Variants in GNAT3 observed in about 807,000 individuals in gnomAD.
The protein encoded by GNAT3 is guanine nucleotide-binding protein G(t) subunit alpha-3.
A neutral mutation model predicts 37.7 loss-of-function variants in GNAT3; 31 were observed. That is an observed-to-expected ratio of 0.82 (90% CI 0.62 to 1.11). GNAT3 has a LOEUF of 1.11. GNAT3 is among the 50% of genes most tolerant of loss of function. The pLI is 0.00. For synonymous variants in GNAT3, 138 were observed against 139.8 expected (o/e 0.99, Z 0.09); for missense variants, 437 against 412.5 (o/e 1.06, Z -0.51).
chr7:80,471,567 A>T (rs138220693), intron 5 of GNAT3, among the ~76,000 whole-genome samples: 44 of 152,102 alleles, frequency 2.9e-4, no homozygotes, highest in African/African-American at 1.0e-3. Context: ...CTCCAACTTA[A>T]AGATAGTTCC....
In GNAT3 at chr7:80,463,541, C is replaced by A. The variant is rs1051992768; in HGVS notation, c.591-910G>T. Among the ~76,000 whole-genome samples, 3 of 151,996 alleles carry A rather than the reference C, an allele frequency of 2.0e-5. No homozygotes were observed. In the East Asian group the frequency reaches 5.8e-4, roughly 29 times the overall value. On this transcript the variant is annotated intron_variant, in intron 5 of 7. Transcript: ENST00000398291. ...CATCAATATCTCCTCCATAAAGAAG[C>A]CTCCTGGAGCGTCCATTTAAATTAC...
At chr7:80,491,957 T>C (rs1157640485) in intron 2 of GNAT3, among the ~76,000 whole-genome samples, 1 of 152,114 alleles carries the variant, frequency 6.6e-6, no homozygotes, top group Non-Finnish European at 1.5e-5. Context: ...TAAATTCCAC[T>C]ATTGAGAGAA....
At chr7:80,485,567 T>C (rs1790464103) in intron 3 of GNAT3, among the ~76,000 whole-genome samples, 1 of 152,160 alleles carries the variant, frequency 6.6e-6, no homozygotes, top group Non-Finnish European at 1.5e-5. Flanking sequence ...CATCAAGCTC[T>C]CCTCTCCTGA....
In GNAT3 at chr7:80,483,495, AT is replaced by A. The variant is rs1434460480; in HGVS notation, c.304-4498del. On this transcript the variant is annotated intron_variant, in intron 3 of 7. Transcript: ENST00000398291. ...CAAACTGATCGAACACTTAACTCCT[AT>A]TTTATTGTTATATTTTAAAAACTCT... Among the ~76,000 whole-genome samples, 14 of 152,168 alleles carry A rather than the reference AT, an allele frequency of 9.2e-5. No homozygotes were observed. The Middle Eastern group carries it at 0.014, about 148-fold the overall frequency.
At position 80,511,819 on chromosome 7, in the gene GNAT3, C is replaced by T; in HGVS notation, c.108G>A (p.Leu36=). 2 of 1,605,396 alleles carry T rather than the reference C, an allele frequency of 1.2e-6. No homozygotes were observed. Among genetic ancestry groups the T allele is most frequent in the African/African-American group, 1.3e-5 (1 of 74,872 alleles). Residue 36 remains leucine, a synonymous_variant, in exon 1 of 8, where the codon CTG becomes CTA. Transcript: ENST00000398291. Reference sequence around the variant, plus strand: ...GGGAAAAGAAATTACCTAATAGTAGCAGCTTTACGGTTCTTGCATCTCGCT... The same window carrying T: ...GGGAAAAGAAATTACCTAATAGTAGTAGCTTTACGGTTCTTGCATCTCGCT... ...DAERDARTVK[L]LLLGAGESGK...
intron 1 of GNAT3, among the ~76,000 whole-genome samples, chr7:80,504,226 G>A (rs1790889077): frequency 6.6e-6 from 1 of 152,086 alleles, no homozygotes; most frequent in Non-Finnish European, 1.5e-5. Context: ...TGAGGTGGGA[G>A]GATCACTTGA....
Position 80,509,655 on chromosome 7 carries a change from G to A in GNAT3, c.118+2154C>T, listed in dbSNP as rs149132951. On this transcript the variant is annotated intron_variant, in intron 1 of 7. Coordinates refer to ENST00000398291, the MANE Select transcript of GNAT3 (RefSeq NM_001102386.3). ...ACAATAAGTTGGGTCCCAGTCAATG[G>A]CTCTGTGGAGTGGTAAAATTTACTA... 8.0e-4 allele frequency among the ~76,000 whole-genome samples: 122 copies of A among 152,070 alleles called. 1 individual carries two copies. Among genetic ancestry groups the A allele is most frequent in the Non-Finnish European group, 1.4e-3 (92 of 67,946 alleles).
chr7:80,466,509 A>G (rs964840455), intron 5 of GNAT3, among the ~76,000 whole-genome samples: 1 of 152,062 alleles, frequency 6.6e-6, no homozygotes, highest in Non-Finnish European at 1.5e-5. Context: ...GAGAAAAATC[A>G]TCTTATTTCT....
chr7:80,458,808 G>C lies in GNAT3; in HGVS notation c.928C>G (p.Leu310Val), dbSNP rs1417943997. The C allele has an allele frequency of 6.3e-7, 1 of 1,595,256 alleles. No individual in the cohort carries two copies. Among genetic ancestry groups the C allele is most frequent in the Non-Finnish European group, 8.5e-7 (1 of 1,171,370 alleles). Residue 310 changes from leucine (L) to valine (V), a missense_variant, in exon 8 of 8, where the codon CTG (leucine) becomes GTG (valine). Coordinates refer to ENST00000398291, the MANE Select transcript of GNAT3 (RefSeq NM_001102386.3). Reference protein sequence around the residue: ...GNYIKNQFLDLNLKKEDKEIY... With the variant: ...GNYIKNQFLDVNLKKEDKEIY... Reference sequence around the variant, plus strand: ...TCCTTATCTTCTTTTTTTAAATTCAGGTCTAGAAACTGGTTCTTGATGTAG... The same window carrying C: ...TCCTTATCTTCTTTTTTTAAATTCACGTCTAGAAACTGGTTCTTGATGTAG...
In GNAT3 at chr7:80,477,487, C is replaced by A. The variant is rs571147566; in HGVS notation, c.461+1354G>T. On this transcript the variant is annotated intron_variant, in intron 4 of 7. Coordinates refer to ENST00000398291, the MANE Select transcript of GNAT3 (RefSeq NM_001102386.3). ...GAGACTCATTCTCTCCATCAGAGAG[C>A]TAGGAAAAACTCCTCCAAAAGCAAT... 5.5e-4 allele frequency among the ~76,000 whole-genome samples: 84 copies of A among 152,234 alleles called. 3 individuals carry two copies. In the South Asian group the frequency reaches 0.017, roughly 31 times the overall value.
chr7:80,475,483 A>G (rs1790288272), intron 4 of GNAT3, among the ~76,000 whole-genome samples: 1 of 152,106 alleles, frequency 6.6e-6, no homozygotes, highest in South Asian at 2.1e-4. Flanking sequence ...ACTTTCAGAT[A>G]CAAATAGTAA....
At chr7:80,486,222 T>A (rs1790476349) in intron 3 of GNAT3, among the ~76,000 whole-genome samples, 1 of 152,190 alleles carries the variant, frequency 6.6e-6, no homozygotes, top group Non-Finnish European at 1.5e-5. Flanking sequence ...ATGTCGTGCC[T>A]GACAACTGTG....
At chr7:80,504,947 G>A (rs923373568) in intron 1 of GNAT3, among the ~76,000 whole-genome samples, 1 of 152,150 alleles carries the variant, frequency 6.6e-6, no homozygotes, top group Non-Finnish European at 1.5e-5. Flanking sequence ...TATTGGCCCA[G>A]CTAAATTTAA....
intron 2 of GNAT3, among the ~76,000 whole-genome samples, chr7:80,491,160 A>G (rs955034397): frequency 2.0e-5 from 3 of 152,318 alleles, no homozygotes; most frequent in South Asian, 4.1e-4. Flanking sequence ...ATGATGACCA[A>G]TGGAGATCAA....
chr7:80,491,227 G>T (rs146040697), intron 2 of GNAT3, among the ~76,000 whole-genome samples: 3 of 152,100 alleles, frequency 2.0e-5, no homozygotes, highest in Non-Finnish European at 4.4e-5. Flanking sequence ...AAGGGTGAAG[G>T]CTTAGCATAA....
chr7:80,466,294 T>C (rs1790128485), intron 5 of GNAT3, among the ~76,000 whole-genome samples: 3 of 152,104 alleles, frequency 2.0e-5, no homozygotes, highest in African/African-American at 7.2e-5. Context: ...TGTCAACCTT[T>C]GTAGTCTCCT....
Position 80,478,889 on chromosome 7 carries a change from GC to G in GNAT3, c.412del (p.Ala138ProfsTer22). On this transcript the variant is annotated frameshift_variant, in exon 4 of 8. Transcript: ENST00000398291. LOFTEE classifies it high-confidence loss of function. ...ATATTCAGATGCCCTTTCAAAGCAG[GC>G]CTGAATTCCTGGATCTCTCCACAGC... ...KRLWRDPGIQ[A>X]CFERASEYQL... is the part of the protein sequence containing the mutation. The G allele has an allele frequency of 6.2e-7, 1 of 1,613,322 alleles. No homozygotes were observed. Among genetic ancestry groups the G allele is most frequent in the Non-Finnish European group, 8.5e-7 (1 of 1,179,518 alleles).
In GNAT3 at chr7:80,469,768, A is replaced by C. The variant is rs139748035; in HGVS notation, c.590+4483T>G. 2.4e-3 allele frequency among the ~76,000 whole-genome samples: 360 copies of C among 152,272 alleles called. 11 individuals carry two copies. In the East Asian group the frequency reaches 0.058, roughly 24 times the overall value. ...TTGCTGAAAAAAAGTTGGAAGGTACATTATTTTTATACTTCCTATTTTGAA... is the reference window on the plus strand; with the variant it reads ...TTGCTGAAAAAAAGTTGGAAGGTACCTTATTTTTATACTTCCTATTTTGAA... On this transcript the variant is annotated intron_variant, in intron 5 of 7. Transcript: ENST00000398291.
chr7:80,474,845 G>A (rs917549881), intron 4 of GNAT3, among the ~76,000 whole-genome samples: 4 of 152,074 alleles, frequency 2.6e-5, no homozygotes, highest in Admixed American at 1.3e-4. Flanking sequence ...GATTATCCTC[G>A]AAATTCTGTA....
Sources: gnomAD v4.1 joint callset for allele counts (sites outside exome capture counted in the v4.1 genomes callset) on GRCh38, gnomAD v4.1.1 for gene constraint, MANE v1.5 for transcripts, NCBI Gene and HGNC (gene_info 2026-07-23, HGNC 2026-07-21) for gene names.